The following UBE2V2 variants were observed in gnomAD, a reference collection of about 807,000 sequenced individuals.
The protein encoded by UBE2V2 is ubiquitin conjugating enzyme E2 V2, also known as ubiquitin-conjugating enzyme E2 variant 2.
Under a neutral mutation model 17.2 loss-of-function variants are expected in UBE2V2, and 9 were observed. The observed-to-expected ratio is 0.52, with a 90% CI of 0.32 to 0.91. UBE2V2 has a LOEUF of 0.91. UBE2V2 is among the 40% of genes least tolerant of loss of function. The pLI is 0.04. For synonymous variants in UBE2V2, 61 were observed against 57.5 expected, an observed-to-expected ratio of 1.06 and a Z score of -0.28; for missense variants, 133 against 182.6, an observed-to-expected ratio of 0.73 and a Z score of 1.56.
intron 1 of UBE2V2, 170 bp downstream of exon 1, chr8:48,008,640 C>A: frequency 1.0e-6 from 1 of 965,400 alleles, no homozygotes; most frequent in Non-Finnish European, 1.3e-6. Flanking sequence ...GGCGCCGAGG[C>A]CCCGGCGGCC....
chr8:48,005,975 C>A (rs866419151), upstream of UBE2V2, among the ~76,000 whole-genome samples: 2 of 152,202 alleles, frequency 1.3e-5, no homozygotes, highest in African/African-American at 4.8e-5. Context: ...CCTGTTCACT[C>A]TCATGGTAGT....
intron 1 of UBE2V2, among the ~76,000 whole-genome samples, chr8:48,023,721 A>T (rs2091320665): frequency 6.6e-6 from 1 of 151,958 alleles, no homozygotes; most frequent in African/African-American, 2.4e-5. Context: ...AAAATGCAAA[A>T]AAAAATTAGC....
intron 1 of UBE2V2, among the ~76,000 whole-genome samples, chr8:48,022,942 T>G (rs2091315646): frequency 6.6e-6 from 1 of 151,342 alleles, no homozygotes; most frequent in Non-Finnish European, 1.5e-5. Context: ...CTGCGAGCGC[T>G]TTAAATGTAT....
intron 1 of UBE2V2, among the ~76,000 whole-genome samples, chr8:48,011,994 C>T (rs533086456): frequency 6.6e-6 from 1 of 152,242 alleles, no homozygotes; most frequent in East Asian, 1.9e-4. Flanking sequence ...CCCATCTGGT[C>T]TTCTTATTTT....
rs555474175 is a variant in UBE2V2, at chr8:48,049,458, G to C, written c.166-395G>C. 336 of 174,064 alleles carry C rather than the reference G, an allele frequency of 1.9e-3. 4 individuals are homozygous for C. The South Asian group carries it at 0.043, about 22-fold the overall frequency. The allele number at this position is 174,064 out of a possible 1,614,324, so 10.8% of individuals were successfully genotyped here. On this transcript the variant is annotated intron_variant, in intron 2 of 3. Coordinates refer to ENST00000523111, the MANE Select transcript of UBE2V2 (RefSeq NM_003350.3). ...AAACCTTCATATATGTTTAACACAA[G>C]TCTCAAGTAGCCCCTCCCTCTACAA...
chr8:48,033,190 C>A (rs1371611110), intron 1 of UBE2V2, among the ~76,000 whole-genome samples: 1 of 151,822 alleles, frequency 6.6e-6, no homozygotes, highest in Admixed American at 6.6e-5. Flanking sequence ...ATTCTTTTTC[C>A]ATTTTTTTTT....
chr8:48,021,855 T>C (rs2091307752), intron 1 of UBE2V2, among the ~76,000 whole-genome samples: 1 of 151,546 alleles, frequency 6.6e-6, no homozygotes, highest in Non-Finnish European at 1.5e-5. Flanking sequence ...GTCTGGCTAA[T>C]TTTTAGTAGA....
intron 3 of UBE2V2, among the ~76,000 whole-genome samples, chr8:48,055,760 TTC>T (rs1229765146): frequency 2.7e-5 from 3 of 110,950 alleles, no homozygotes; most frequent in Non-Finnish European, 5.1e-5. Context: ...TTAATCCACT[TTC>T]TGTCTTTTTT....
At chr8:48,023,708 T>A (rs2091320503) in intron 1 of UBE2V2, among the ~76,000 whole-genome samples, 1 of 151,706 alleles carries the variant, frequency 6.6e-6, no homozygotes, top group South Asian at 2.1e-4. Flanking sequence ...CCTATCTCTA[T>A]TAAAAATGCA....
chr8:48,036,268 A>T (rs1236114731), intron 1 of UBE2V2, among the ~76,000 whole-genome samples: 1 of 151,214 alleles, frequency 6.6e-6, no homozygotes, highest in East Asian at 2.0e-4. Flanking sequence ...TAAAAAAAAA[A>T]ATTTCTTAGG....
chr8:48,022,168 G>A (rs566224839), intron 1 of UBE2V2, among the ~76,000 whole-genome samples: 32 of 142,564 alleles, frequency 2.2e-4, no homozygotes, highest in African/African-American at 8.1e-4. Flanking sequence ...AGACAGTGTC[G>A]TTCTTGTCAC....
chr8:48,049,473 T>TC (rs2091520943), intron 2 of UBE2V2: 1 of 180,870 alleles, frequency 5.5e-6, no homozygotes, highest in Admixed American at 5.8e-5. Context: ...AAGTAGCCCC[T>TC]CCCTCTACAA....
At chr8:48,012,659 G>A (rs1158625014) in intron 1 of UBE2V2, among the ~76,000 whole-genome samples, 3 of 151,678 alleles carry the variant, frequency 2.0e-5, no homozygotes, top group African/African-American at 7.3e-5. Context: ...CAGAGGTTGT[G>A]GTGAGCCGAG....
intron 1 of UBE2V2, among the ~76,000 whole-genome samples, chr8:48,041,167 TTTG>T (rs2091461418): frequency 6.8e-6 from 1 of 147,390 alleles, no homozygotes; most frequent in Admixed American, 6.7e-5. Context: ...CCCGGCCTTT[TTTG>T]TTGTTTTTTT....
At chr8:48,028,873 C>G (rs1310170582) in intron 1 of UBE2V2, among the ~76,000 whole-genome samples, 1 of 152,130 alleles carries the variant, frequency 6.6e-6, no homozygotes, top group Non-Finnish European at 1.5e-5. Flanking sequence ...AGTCCTTTAT[C>G]AGATGTATGG....
intron 1 of UBE2V2, among the ~76,000 whole-genome samples, chr8:48,015,748 T>C (rs1488662521): frequency 6.6e-6 from 1 of 152,178 alleles, no homozygotes; most frequent in Non-Finnish European, 1.5e-5. Context: ...GTATTTGTCT[T>C]TCTGTGCCTG....
At chr8:48,041,794 C>A (rs1272013482) in intron 1 of UBE2V2, 1 of 151,544 alleles carries the variant, frequency 6.6e-6, no homozygotes, top group Non-Finnish European at 1.5e-5. Flanking sequence ...TGTAAACACT[C>A]TTCTTTTTTT....
intron 1 of UBE2V2, among the ~76,000 whole-genome samples, chr8:48,024,977 C>T (rs572703108): frequency 4.0e-5 from 6 of 150,940 alleles, no homozygotes; most frequent in South Asian, 2.1e-4. Context: ...TTCTGTTGCC[C>T]GGGCTGGAGT....
At chr8:48,008,377 C>T (rs777242213), upstream of UBE2V2, 5 of 1,531,034 alleles carry the variant, frequency 3.3e-6, no homozygotes, top group Admixed American at 4.1e-5. Context: ...GTGACGCGTG[C>T]AGGGCGGCGC....
Sources: allele counts gnomAD v4.1 joint callset (sites outside exome capture counted in the v4.1 genomes callset), GRCh38; gene constraint gnomAD v4.1.1; transcripts MANE v1.5; gene names NCBI Gene and HGNC (gene_info 2026-07-23, HGNC 2026-07-21).